The following CEP95 variants were observed in gnomAD, a reference collection of about 807,000 sequenced individuals.
CEP95 encodes centrosomal protein 95, also known as centrosomal protein of 95 kDa.
CEP95 carries 98 observed loss-of-function variants against 111.2 expected under a neutral mutation model. The observed-to-expected ratio is 0.88, with a 90% CI of 0.75 to 1.04. CEP95 has a LOEUF of 1.04. Among genes scored for constraint, CEP95 ranks in the 50% least tolerant of loss-of-function variants. The pLI is 0.00. For synonymous variants in CEP95, 323 were observed against 327.1 expected (o/e 0.99, Z 0.14); for missense variants, 1,027 against 977.2 (o/e 1.05, Z -0.68).
intron 12 of CEP95, among the ~76,000 whole-genome samples, chr17:64,530,441 A>T (rs1555680023): frequency 1.3e-5 from 2 of 152,152 alleles, no homozygotes; most frequent in Non-Finnish European, 2.9e-5. Context: ...ATTTTTTTAA[A>T]AAGTGAATGA....
chr17:64,524,730 T>C (rs1182564189), intron 8 of CEP95, among the ~76,000 whole-genome samples: 1 of 152,082 alleles, frequency 6.6e-6, no homozygotes, highest in Non-Finnish European at 1.5e-5. Flanking sequence ...CCCAGCACTT[T>C]GAGAGGCTGA....
At chr17:64,528,750 A>G (rs1968049047) in intron 11 of CEP95, among the ~76,000 whole-genome samples, 1 of 152,212 alleles carries the variant, frequency 6.6e-6, no homozygotes, top group Non-Finnish European at 1.5e-5. Flanking sequence ...CCTATAGACA[A>G]TGGGATAAAA....
At position 64,537,040 on chromosome 17, in the gene CEP95, GTT is replaced by G; in HGVS notation, c.2220_2221del (p.Ser741IlefsTer14). The G allele has an allele frequency of 6.2e-7, 1 of 1,610,260 alleles. No individual in the cohort carries two copies. The highest frequency in any genetic ancestry group is 1.1e-5 in the South Asian group (1 of 90,318). The stretch of plus-strand genomic sequence containing the variant: ...TTTGTTTTTTTTCTTCCTATAAACA[GTT>G]TTCATTGCTGGCAGAAGCCATATCA... ...DSMENYYKDQ[F>X]SLLAEAISQE... On this transcript the variant is annotated frameshift_variant and splice_region_variant, in exon 19 of 20. Coordinates refer to ENST00000556440, the MANE Select transcript of CEP95 (RefSeq NM_138363.3). LOFTEE classifies it high-confidence loss of function.
chr17:64,515,793 A>G (rs2039108283), intron 4 of CEP95: 1 of 152,224 alleles, frequency 6.6e-6, no homozygotes, highest in Non-Finnish European at 1.5e-5. Context: ...GTTAACAGTA[A>G]TGGGAAACAA....
In CEP95 at chr17:64,508,797, G is replaced by C. The variant is rs1287014617; in HGVS notation, c.148+77G>C. ...TTTTAGTCCTTTAGTTAGATTCTTT[G>C]ATATTTATAAAATTTCATTTTCTCT... On this transcript the variant is annotated intron_variant, in intron 2 of 19. Coordinates refer to ENST00000556440, the MANE Select transcript of CEP95 (RefSeq NM_138363.3). The C allele has an allele frequency of 4.6e-5, 28 of 604,196 alleles. No individual in the cohort carries two copies. In the African/African-American group the frequency reaches 5.2e-4, roughly 11 times the overall value. 37.4% of individuals were successfully genotyped at this position (604,196 alleles called of 1,614,324 possible).
intron 11 of CEP95, 67 bp downstream of exon 11, chr17:64,527,331 C>T: frequency 8.5e-7 from 1 of 1,177,888 alleles, no homozygotes; most frequent in Non-Finnish European, 1.1e-6. Flanking sequence ...TCCATCTGTT[C>T]TTAATAACTT....
intron 11 of CEP95, among the ~76,000 whole-genome samples, chr17:64,528,730 C>T (rs564672230): frequency 3.3e-5 from 5 of 152,200 alleles, no homozygotes; most frequent in Non-Finnish European, 7.4e-5. Context: ...CTAGCAGATC[C>T]CCAGACACAC....
At chr17:64,522,566 T>C (rs1967437445) in intron 7 of CEP95, 136 bp from the exon 8 acceptor site, 2 of 564,770 alleles carry the variant, frequency 3.5e-6, no homozygotes, top group East Asian at 3.0e-5. Context: ...TAATTATTTT[T>C]TTATGTGCTT....
intron 19 of CEP95, 35 bp from the exon 20 acceptor site, chr17:64,537,568 T>C: frequency 6.5e-7 from 1 of 1,547,168 alleles, no homozygotes; most frequent in Non-Finnish European, 8.8e-7. Flanking sequence ...GGATAAATGC[T>C]GTGAACAGCG....
At chr17:64,510,035 T>C (rs2038808765) in intron 2 of CEP95, 138 bp from the exon 3 acceptor site, 2 of 617,302 alleles carry the variant, frequency 3.2e-6, no homozygotes, top group Non-Finnish European at 5.8e-6. Flanking sequence ...TTATTAACTT[T>C]ATCTGTACTT....
At position 64,527,861 on chromosome 17, in the gene CEP95, TGTG is replaced by T. The variant is rs1568147234; in HGVS notation, c.1306+598_1306+600del. The stretch of plus-strand genomic sequence containing the variant: ...TGCAGTGTGCCACTTAATGTGTGTG[TGTG>T]TGTGTGTATATATATATATATATAT... On this transcript the variant is annotated intron_variant, in intron 11 of 19. Transcript: ENST00000556440. Among the ~76,000 whole-genome samples, 717 of 134,278 alleles carry T rather than the reference TGTG, an allele frequency of 5.3e-3. 2 individuals carry two copies. The highest frequency in any genetic ancestry group is 0.019 in the African/African-American group (681 of 35,618). The allele number at this position is 134,278 out of a possible 152,430, so 88.1% of individuals were successfully genotyped here.
intron 9 of CEP95, 91 bp from the exon 10 acceptor site, chr17:64,525,980 G>A (rs1967785527): frequency 2.7e-6 from 4 of 1,505,420 alleles, no homozygotes; most frequent in Admixed American, 2.1e-5. Context: ...AGACCAGAAT[G>A]AAGTATTTGT....
chr17:64,507,150 A>G (rs1422811654), intron 1 of CEP95, 34 bp downstream of exon 1: 5 of 1,551,234 alleles, frequency 3.2e-6, no homozygotes, highest in Non-Finnish European at 4.4e-6. Flanking sequence ...GTATGTGTGG[A>G]CTGAAACCGT....
intron 17 of CEP95, chr17:64,535,249 T>C (rs782022355): frequency 5.9e-6 from 1 of 168,862 alleles, no homozygotes; most frequent in Non-Finnish European, 1.3e-5. Context: ...CTTGGACATA[T>C]TTCTAGAGGA....
At chr17:64,516,507 C>G (rs2039151442) in intron 4 of CEP95, among the ~76,000 whole-genome samples, 1 of 152,074 alleles carries the variant, frequency 6.6e-6, no homozygotes. Context: ...AACTGTAGAC[C>G]CTGTTTTTAA....
chr17:64,527,054 A>G, intron 10 of CEP95, 57 bp from the exon 11 acceptor site: 2 of 1,492,242 alleles, frequency 1.3e-6, no homozygotes, highest in South Asian at 1.2e-5. Context: ...GCCTACTCCT[A>G]CGAATTTACA....
intron 3 of CEP95, among the ~76,000 whole-genome samples, chr17:64,513,196 G>A (rs1257688949): frequency 1.3e-5 from 2 of 152,296 alleles, no homozygotes; most frequent in Admixed American, 6.5e-5. Flanking sequence ...AGTATAAAAC[G>A]TCAAATTTCT....
At chr17:64,528,900 A>G (rs1310641265) in intron 11 of CEP95, among the ~76,000 whole-genome samples, 10 of 152,364 alleles carry the variant, frequency 6.6e-5, no homozygotes, top group African/African-American at 2.4e-4. Context: ...ATATAATAAG[A>G]TAGATATGTA....
At position 64,536,615 on chromosome 17, in the gene CEP95, T is replaced by C. The variant is rs1555681571; in HGVS notation, c.2084T>C (p.Leu695Pro). 6.3e-7 allele frequency: 1 copy of C among 1,589,912 alleles called. No individual in the cohort carries two copies. Among genetic ancestry groups the C allele is most frequent in the South Asian group, 1.2e-5 (1 of 86,048 alleles). Residue 695 changes from leucine (L) to proline (P), a missense_variant, in exon 18 of 20, where the codon CTG becomes CCG. Coordinates refer to ENST00000556440, the MANE Select transcript of CEP95 (RefSeq NM_138363.3). Reference sequence around the variant, plus strand: ...AATAACTGACAGATATTTAAGAAACTGTTTGAAGAAGGTTTAAACATTCAA... The same window carrying C: ...AATAACTGACAGATATTTAAGAAACCGTTTGAAGAAGGTTTAAACATTCAA... ...RTREEMIFKK[L>P]FEEGLNIQKQ... is the part of the protein sequence containing the mutation.
Sources: allele counts gnomAD v4.1 joint callset (sites outside exome capture counted in the v4.1 genomes callset), GRCh38; gene constraint gnomAD v4.1.1; transcripts MANE v1.5; gene names NCBI Gene and HGNC (gene_info 2026-07-23, HGNC 2026-07-21).